BAIAP2L2: variants seen among roughly 807,000 people sequenced by gnomAD.
BAIAP2L2 encodes the protein BAR/IMD domain-containing adapter protein 2-like 2.
A neutral mutation model predicts 60.4 loss-of-function variants in BAIAP2L2; 65 were observed. The ratio of observed to expected loss-of-function variants is 1.08; its 90% confidence interval spans 0.88 to 1.32. BAIAP2L2 has a LOEUF of 1.32. BAIAP2L2 is among the 40% of genes most tolerant of loss of function. The probability of loss-of-function intolerance (pLI) is 0.00; values close to 1 mark genes in which losing one functional copy is unlikely to be tolerated. For synonymous variants in BAIAP2L2, 344 were observed against 301.7 expected (o/e 1.14, Z -1.45); for missense variants, 836 against 741.2 (o/e 1.13, Z -1.48).
At chr22:38,095,177 A>C (rs540177728) in intron 7 of BAIAP2L2, among the ~76,000 whole-genome samples, 4 of 152,134 alleles carry the variant, frequency 2.6e-5, no homozygotes, top group Non-Finnish European at 5.9e-5. Flanking sequence ...TACACACATA[A>C]ATAAAATCAG....
Position 38,110,463 on chromosome 22 carries a change from C to T in BAIAP2L2, c.51+12G>A, listed in dbSNP as rs759591196. 9.3e-6 allele frequency: 15 copies of T among 1,611,636 alleles called. No homozygotes were observed. The East Asian group carries it at 2.7e-4, about 29-fold the overall frequency. On this transcript the variant is annotated intron_variant, in intron 1 of 13. Transcript: ENST00000381669. ...AGGGGCTCAGGCCTGGCTTGGCCAC[C>T]CATGTGCTCACCTTGTAGATGGCCA...
intron 4 of BAIAP2L2, among the ~76,000 whole-genome samples, chr22:38,100,788 CACAA>C (rs112638436): frequency 7.2e-4 from 109 of 152,270 alleles, no homozygotes; most frequent in African/African-American, 2.5e-3. Flanking sequence ...TTGATAGTGA[CACAA>C]ACAGATTCAT....
chr22:38,089,313 TC>T (rs1166405000), intron 8 of BAIAP2L2, 82 bp from the exon 9 acceptor site: 3 of 509,928 alleles, frequency 5.9e-6, no homozygotes, highest in Non-Finnish European at 8.4e-6. Flanking sequence ...CCACCCCCAG[TC>T]CCAGGCGTCG....
intron 6 of BAIAP2L2, 51 bp downstream of exon 6, chr22:38,098,003 TCGCCCCGAG>T: frequency 7.4e-6 from 4 of 540,964 alleles, no homozygotes; most frequent in Admixed American, 6.7e-5. Flanking sequence ...GGGCCCGGTC[TCGCCCCGAG>T]GTCTGCCCAC....
At position 38,086,274 on chromosome 22, in the gene BAIAP2L2, T is replaced by C. The variant is rs766457113; in HGVS notation, c.1435A>G (p.Met479Val). 5 of 1,606,826 alleles carry C rather than the reference T, an allele frequency of 3.1e-6. No individual in the cohort carries two copies. The South Asian group carries it at 5.5e-5, about 18-fold the overall frequency. The change falls in exon 12 of 14, where the codon ATG becomes GTG. Residue 479 changes from methionine (M) to valine (V), a missense_variant. Physicochemically the swap from Met to Val is conservative, Grantham distance 21 (BLOSUM62 1). Coordinates refer to ENST00000381669, the MANE Select transcript of BAIAP2L2 (RefSeq NM_025045.6). The part of the protein sequence containing the change: ...PPLPSSRRSS[M>V]GSTAVATDVK... Reference sequence around the variant, plus strand: ...TCAGTGGCAACTGCTGTGCTGCCCATGCTGCTGCGGCGGCTGCTGGGCAAG... The same window carrying C: ...TCAGTGGCAACTGCTGTGCTGCCCACGCTGCTGCGGCGGCTGCTGGGCAAG...
rs184056779 is a variant in BAIAP2L2, at chr22:38,105,638, G to A, written c.276+2214C>T. Among the ~76,000 whole-genome samples, 266 of 151,892 alleles carry A rather than the reference G, an allele frequency of 1.8e-3. 1 individual carries two copies. The highest frequency in any genetic ancestry group is 3.1e-3 in the Non-Finnish European group (213 of 67,914). On this transcript the variant is annotated intron_variant, in intron 4 of 13. Transcript: ENST00000381669. ...GATTACAAGCGTGAGCCACTGCGCC[G>A]GGACCTTTAGGCCTTTTTCAGTGTC...
intron 4 of BAIAP2L2, among the ~76,000 whole-genome samples, chr22:38,100,645 C>T (rs553400815): frequency 9.5e-4 from 144 of 152,308 alleles, no homozygotes; most frequent in African/African-American, 3.4e-3. Flanking sequence ...CTTCACCTTC[C>T]GCCATGATTG....
At chr22:38,089,445 G>T (rs1214201422) in intron 8 of BAIAP2L2, 77 bp downstream of exon 8, 1 of 832,494 alleles carries the variant, frequency 1.2e-6, no homozygotes, top group African/African-American at 1.8e-5. Context: ...GAGGCTCCAG[G>T]CTGGGGGCCT....
rs142006735 is a variant in BAIAP2L2, at chr22:38,085,380, A to G, written c.1515-5T>C. ...GTGGCAAAAGGATTTGTGCCCCTGT[A>G]GGAGGAGAGAGAGAATGGGGTGAGA... On this transcript the variant is annotated splice_region_variant and splice_polypyrimidine_tract_variant and intron_variant, in intron 13 of 13. Coordinates refer to ENST00000381669, the MANE Select transcript of BAIAP2L2 (RefSeq NM_025045.6). The G allele has an allele frequency of 4.5e-4, 719 of 1,612,986 alleles. 2 individuals are homozygous for G. In the African/African-American group the frequency reaches 8.1e-3, roughly 18 times the overall value.
chr22:38,110,107 G>GA (rs2086791993), intron 1 of BAIAP2L2, among the ~76,000 whole-genome samples: 1 of 35,212 alleles, frequency 2.8e-5, no homozygotes, highest in Non-Finnish European at 5.3e-5. Context: ...GACAGAGAGA[G>GA]GGAGAGAGAG....
intron 2 of BAIAP2L2, 131 bp from the exon 3 acceptor site, chr22:38,108,472 G>T: frequency 2.9e-6 from 2 of 678,686 alleles, no homozygotes; most frequent in Non-Finnish European, 5.0e-6. Context: ...CCTGAGGAGG[G>T]TGTGACCAGT....
Position 38,089,087 on chromosome 22 carries a change from G to T in BAIAP2L2, c.901+9C>A. 7.2e-7 allele frequency: 1 copy of T among 1,379,502 alleles called. No individual in the cohort carries two copies. The highest frequency in any genetic ancestry group is 9.3e-7 in the Non-Finnish European group (1 of 1,072,730). 85.5% of individuals were successfully genotyped at this position (1,379,502 alleles called of 1,614,324 possible). On this transcript the variant is annotated intron_variant, in intron 9 of 13. Coordinates refer to ENST00000381669, the MANE Select transcript of BAIAP2L2 (RefSeq NM_025045.6). ...GGCCCTCCTGCCGCCCCGGGGCGGG[G>T]GCACTCACAGGCCGACGGCGTGCGG...
intron 1 of BAIAP2L2, among the ~76,000 whole-genome samples, chr22:38,110,120 G>GGAGAGA (rs1202491630): frequency 5.3e-5 from 1 of 18,828 alleles, no homozygotes; most frequent in Non-Finnish European, 2.1e-4. Flanking sequence ...AGAGAGAGAG[G>GGAGAGA]GAGAGAGAGA....
intron 4 of BAIAP2L2, among the ~76,000 whole-genome samples, chr22:38,102,062 G>A (rs1417462468): frequency 6.6e-6 from 1 of 152,176 alleles, no homozygotes; most frequent in Non-Finnish European, 1.5e-5. Context: ...GAGCACAGGT[G>A]CACCCCGACA....
chr22:38,107,462 C>T (rs1364828427), intron 4 of BAIAP2L2, among the ~76,000 whole-genome samples: 1 of 152,096 alleles, frequency 6.6e-6, no homozygotes, highest in Non-Finnish European at 1.5e-5. Context: ...GTTCTACGGG[C>T]AGTGGGGCCG....
Position 38,087,186 on chromosome 22 carries a change from C to T in BAIAP2L2, c.1197G>A (p.Met399Ile). 6.2e-7 allele frequency: 1 copy of T among 1,602,172 alleles called. No homozygotes were observed. Among genetic ancestry groups the T allele is most frequent in the Non-Finnish European group, 8.5e-7 (1 of 1,175,848 alleles). ...TGGGGGACATGGAGGTCATGGAGGT[C>T]ATGGGGGTCACGGGGGTCATGGGAT... ...PVNPMTPVTP[M>I]TSMTSMSPMT... The change falls in exon 11 of 14, where the codon ATG (methionine) becomes ATA (isoleucine). Residue 399 changes from methionine to isoleucine, a missense_variant. By Grantham distance (10) the Met-to-Ile change is conservative (BLOSUM62 1). Coordinates refer to ENST00000381669, the MANE Select transcript of BAIAP2L2 (RefSeq NM_025045.6).
At chr22:38,092,386 C>T (rs1384464151) in intron 7 of BAIAP2L2, among the ~76,000 whole-genome samples, 6 of 152,138 alleles carry the variant, frequency 3.9e-5, no homozygotes, top group African/African-American at 2.4e-5. Context: ...AAGCCATCCT[C>T]GTGCCTCAGC....
At position 38,105,546 on chromosome 22, in the gene BAIAP2L2, T is replaced by G. The variant is rs150492035; in HGVS notation, c.276+2306A>C. Among the ~76,000 whole-genome samples, 1,425 of 152,164 alleles carry G rather than the reference T, an allele frequency of 9.4e-3. 28 individuals are homozygous for G. The highest frequency in any genetic ancestry group is 0.031 in the African/African-American group (1,278 of 41,518). ...TTAGTAGAGACAAGGTTTCACCATG[T>G]TGGCCAGGTTAGTCTCGAACTCCTG... On this transcript the variant is annotated intron_variant, in intron 4 of 13. Coordinates refer to ENST00000381669, the MANE Select transcript of BAIAP2L2 (RefSeq NM_025045.6).
intron 1 of BAIAP2L2, among the ~76,000 whole-genome samples, chr22:38,110,119 G>GA (rs2086796387): frequency 2.2e-5 from 1 of 46,098 alleles, no homozygotes; most frequent in Non-Finnish European, 4.1e-5. Context: ...GAGAGAGAGA[G>GA]GGAGAGAGAG....
Sources: gnomAD v4.1 joint callset for allele counts (sites outside exome capture counted in the v4.1 genomes callset) on GRCh38, gnomAD v4.1.1 for gene constraint, MANE v1.5 for transcripts, NCBI Gene and HGNC (gene_info 2026-07-23, HGNC 2026-07-21) for gene names.